FAM186B: variants seen among roughly 807,000 people sequenced by gnomAD.
FAM186B encodes family with sequence similarity 186 member B, also known as protein FAM186B.
Under a neutral mutation model 83.4 loss-of-function variants are expected in FAM186B, and 68 were observed. The observed-to-expected ratio is 0.81, with a 90% confidence interval of 0.67 to 1.00. The LOEUF (loss-of-function observed/expected upper bound fraction) is 1.00, where lower values mean the gene tolerates loss of function less well. Among genes scored for constraint, FAM186B ranks in the 50% least tolerant of loss-of-function variants. The pLI, the probability that FAM186B is intolerant of heterozygous loss-of-function variation, is 0.00. For synonymous variants in FAM186B, 389 were observed against 422.0 expected, an observed-to-expected ratio of 0.92 and a Z score of 0.96; for missense variants, 983 against 1,099.2, an observed-to-expected ratio of 0.89 and a Z score of 1.49.
At chr12:49,593,459 C>T (rs561786015) in intron 5 of FAM186B, among the ~76,000 whole-genome samples, 1 of 149,354 alleles carries the variant, frequency 6.7e-6, no homozygotes, top group Non-Finnish European at 1.5e-5. Flanking sequence ...ACATGGCGAA[C>T]CCCGTCTCTA....
At chr12:49,601,328 C>T (rs1939890100) in intron 3 of FAM186B, among the ~76,000 whole-genome samples, 194 bp from the exon 4 acceptor site, 1 of 152,200 alleles carries the variant, frequency 6.6e-6, no homozygotes, top group Non-Finnish European at 1.5e-5. Context: ...TTGCCCAGAG[C>T]CCAGCCTCAG....
intron 5 of FAM186B, among the ~76,000 whole-genome samples, chr12:49,591,611 A>G (rs1939582736): frequency 6.6e-6 from 1 of 152,198 alleles, no homozygotes; most frequent in Non-Finnish European, 1.5e-5. Context: ...TACACAAAAG[A>G]GTAAGGAGCA....
intron 5 of FAM186B, among the ~76,000 whole-genome samples, chr12:49,592,741 G>A (rs1023737368): frequency 2.6e-5 from 4 of 152,132 alleles, no homozygotes; most frequent in East Asian, 3.9e-4. Context: ...AGCTGAGATC[G>A]CACCACCACA....
chr12:49,606,122 C>T (rs1311091949), upstream of FAM186B, among the ~76,000 whole-genome samples: 3 of 151,976 alleles, frequency 2.0e-5, no homozygotes, highest in African/African-American at 7.3e-5. Context: ...TTAATGTCTA[C>T]AAATAAGAAA....
intron 5 of FAM186B, among the ~76,000 whole-genome samples, chr12:49,590,756 C>G (rs1015714085): frequency 3.4e-4 from 51 of 152,172 alleles, no homozygotes; most frequent in African/African-American, 1.2e-3. Flanking sequence ...TGGCCTAAAC[C>G]CATATGGTTC....
At chr12:49,612,527 TTA>T in the FAM186B span, among the ~76,000 whole-genome samples, 2 of 151,464 alleles carry the variant, frequency 1.3e-5, no homozygotes, top group Admixed American at 1.3e-4. Context: ...TGAGGTTTTT[TTA>T]TGTGTGTTTT....
At chr12:49,621,976 A>T in the FAM186B span, among the ~76,000 whole-genome samples, 1 of 152,386 alleles carries the variant, frequency 6.6e-6, no homozygotes, top group Admixed American at 6.5e-5. Context: ...TGGTACAATT[A>T]TTCGATTCTA....
downstream of FAM186B, among the ~76,000 whole-genome samples, chr12:49,586,185 T>TG (rs1228490960): frequency 1.3e-5 from 2 of 152,198 alleles, no homozygotes; most frequent in Admixed American, 1.3e-4. Context: ...CTGTCTTTGC[T>TG]GGGAACAATA....
At chr12:49,594,106 C>A (rs1017724071) in intron 5 of FAM186B, 2 of 240,094 alleles carry the variant, frequency 8.3e-6, no homozygotes, top group Admixed American at 8.6e-5. Context: ...CCAGGACATT[C>A]AACCCCCAAG....
At chr12:49,599,162 CAG>C (rs756117400) in intron 4 of FAM186B, among the ~76,000 whole-genome samples, 6 of 152,104 alleles carry the variant, frequency 3.9e-5, no homozygotes, top group East Asian at 1.9e-4. Flanking sequence ...AAAGGAAAGA[CAG>C]GGGAGCACAT....
the FAM186B span, among the ~76,000 whole-genome samples, chr12:49,614,541 C>G: frequency 1.3e-5 from 2 of 152,086 alleles, no homozygotes; most frequent in Admixed American, 1.3e-4. Flanking sequence ...TACTTATGGC[C>G]AGAAAGATGG....
upstream of FAM186B, among the ~76,000 whole-genome samples, chr12:49,607,945 C>A (rs1940052286): frequency 6.6e-6 from 1 of 151,894 alleles, no homozygotes; most frequent in African/African-American, 2.4e-5. Context: ...GGTGATCCAC[C>A]CACCTTGGCC....
rs368595730 is a variant in FAM186B at position 49,601,058 on chromosome 12, G to T, written c.582C>A (p.Ser194Arg). The change falls in exon 4 of 7, where the codon AGC becomes AGA. Residue 194 changes from serine (S) to arginine (R), a missense_variant. Ser to Arg is a moderately radical substitution (Grantham distance 110, BLOSUM62 -1). Coordinates refer to ENST00000257894, the MANE Select transcript of FAM186B (RefSeq NM_032130.3). ...QTSPSHPQPL[S>R]PEQMLQDQHT... is the part of the protein sequence containing the mutation. ...GCTGGTCCTGGAGCATCTGTTCTGG[G>T]CTTAGTGGCTGAGGATGGGATGGAG... 6.2e-7 allele frequency: 1 copy of T among 1,612,262 alleles called. No homozygotes were observed. The highest frequency in any genetic ancestry group is 8.5e-7 in the Non-Finnish European group (1 of 1,178,902).
chr12:49,620,361 T>C, the FAM186B span, among the ~76,000 whole-genome samples: 3 of 152,190 alleles, frequency 2.0e-5, no homozygotes, highest in Non-Finnish European at 4.4e-5. Flanking sequence ...CTGGCTCTTT[T>C]AGAACTCTGT....
chr12:49,597,860 G>C (rs1308966224), intron 5 of FAM186B, among the ~76,000 whole-genome samples: 1 of 152,180 alleles, frequency 6.6e-6, no homozygotes, highest in Non-Finnish European at 1.5e-5. Flanking sequence ...AGGTGTTCAA[G>C]ACCAGCCTGG....
the FAM186B span, among the ~76,000 whole-genome samples, chr12:49,617,324 G>A: frequency 2.4e-4 from 36 of 152,124 alleles, no homozygotes; most frequent in African/African-American, 7.2e-4. Context: ...GCAGGCAGAC[G>A]GCTCGAGCCC....
At chr12:49,593,632 CAAAA>C (rs34152009) in intron 5 of FAM186B, among the ~76,000 whole-genome samples, 2 of 86,382 alleles carry the variant, frequency 2.3e-5, no homozygotes, top group African/African-American at 4.0e-5. Flanking sequence ...GACTCCATCT[CAAAA>C]AAAAAAAAAA....
At chr12:49,588,338 G>C in intron 6 of FAM186B, 116 bp downstream of exon 6, 1 of 1,283,562 alleles carries the variant, frequency 7.8e-7, no homozygotes, top group Non-Finnish European at 1.1e-6. Context: ...CAACTCGTAG[G>C]GTGATATTGG....
rs746203669 is a variant in FAM186B at position 49,604,408 on chromosome 12, C to G, written c.227G>C (p.Arg76Thr). The G allele has an allele frequency of 1.2e-5, 19 of 1,614,038 alleles. No homozygotes were observed. Among genetic ancestry groups the G allele is most frequent in the South Asian group, 3.3e-5 (3 of 91,092 alleles). ...SQQRDPKGKK[R>T]FILLEKIASF... Reference sequence around the variant, plus strand: ...GGCAATTTTTTCCAGCAAGATGAATCTCTTCTTGCCCTTTGGATCTCTCTG... The same window carrying G: ...GGCAATTTTTTCCAGCAAGATGAATGTCTTCTTGCCCTTTGGATCTCTCTG... Residue 76 changes from arginine to threonine, a missense_variant, in exon 2 of 7, where the codon AGA becomes ACA. Arg to Thr is a moderately conservative substitution (Grantham distance 71, BLOSUM62 -1). Coordinates refer to ENST00000257894, the MANE Select transcript of FAM186B (RefSeq NM_032130.3).
Sources: allele counts gnomAD v4.1 joint callset (sites outside exome capture counted in the v4.1 genomes callset), GRCh38; gene constraint gnomAD v4.1.1; transcripts MANE v1.5; gene names NCBI Gene and HGNC (gene_info 2026-07-23, HGNC 2026-07-21).